NAE1: variants seen among roughly 807,000 people sequenced by gnomAD.
NAE1 encodes the protein NEDD8-activating enzyme E1 regulatory subunit.
Under a neutral mutation model 88.0 loss-of-function variants are expected in NAE1, and 59 were observed. The ratio of observed to expected loss-of-function variants is 0.67; its 90% CI spans 0.54 to 0.83. The LOEUF (loss-of-function observed/expected upper bound fraction) is 0.83. Ranked by LOEUF, NAE1 falls within the 40% of genes least tolerant of loss-of-function variation. The pLI, the probability that NAE1 is intolerant of heterozygous loss-of-function variation, is 0.00. For missense variants in NAE1, 554 were observed against 632.8 expected (o/e 0.88, Z 1.34); for synonymous variants, 186 against 208.9 (o/e 0.89, Z 0.95).
At chr16:66,810,837 T>C (rs973989397) in intron 13 of NAE1, 65 bp from the exon 14 acceptor site, 181 of 1,440,918 alleles carry the variant, frequency 1.3e-4, no homozygotes, top group Non-Finnish European at 1.6e-4. Context: ...ATTGTTACCA[T>C]GAACAAAAAT....
At chr16:66,811,047 G>C (rs1207037914) in intron 13 of NAE1, among the ~76,000 whole-genome samples, 1 of 152,098 alleles carries the variant, frequency 6.6e-6, no homozygotes, top group African/African-American at 2.4e-5. Context: ...CTATGATTTC[G>C]GCTTCTGTGA....
chr16:66,814,611 AC>A (rs1408877916), intron 11 of NAE1, among the ~76,000 whole-genome samples: 13 of 51,684 alleles, frequency 2.5e-4, no homozygotes, highest in Middle Eastern at 9.4e-3. Context: ...AAAAAAAAAT[AC>A]ACACACACAC....
intron 19 of NAE1, chr16:66,805,510 A>G (rs1309713768): frequency 2.8e-6 from 1 of 352,460 alleles, no homozygotes; most frequent in Non-Finnish European, 5.0e-6. Context: ...TTACTGGCAC[A>G]TGCCTGTAGT....
rs1959491377 is a variant in NAE1, at chr16:66,804,696, C to A, written c.1495+1081G>T. ...TCAAATTCATATGTTGAAATCCTAA[C>A]CCCCAGTGTAATTGTATGAGGATAG... On this transcript the variant is annotated intron_variant, in intron 19 of 19. Transcript: ENST00000290810. Among the ~76,000 whole-genome samples, 3 of 152,048 alleles carry A rather than the reference C, an allele frequency of 2.0e-5. No individual in the cohort carries two copies. In the South Asian group the frequency reaches 6.2e-4, roughly 32 times the overall value.
intron 6 of NAE1, among the ~76,000 whole-genome samples, chr16:66,822,772 C>T (rs1410393108): frequency 2.0e-5 from 3 of 149,186 alleles, no homozygotes; most frequent in South Asian, 4.2e-4. Flanking sequence ...CTGATTCAAG[C>T]GATTCTCTTG....
chr16:66,826,383 A>G, intron 3 of NAE1, 140 bp downstream of exon 3: 1 of 743,568 alleles, frequency 1.3e-6, no homozygotes, highest in East Asian at 2.7e-5. Context: ...CTTTACCTAT[A>G]TTATCTCACT....
intron 8 of NAE1, 105 bp downstream of exon 8, chr16:66,818,423 T>A: frequency 1.3e-6 from 1 of 763,928 alleles, no homozygotes. Context: ...ATGACAGGAA[T>A]ATGGAAGTTT....
intron 1 of NAE1, 79 bp downstream of exon 1, chr16:66,830,768 C>T: frequency 7.3e-7 from 1 of 1,376,004 alleles, no homozygotes; most frequent in Non-Finnish European, 9.8e-7. Context: ...GGCCCGACCG[C>T]GCCGCCCGCG....
At chr16:66,805,717 T>C (rs1439870749) in intron 19 of NAE1, 60 bp downstream of exon 19, 11 of 1,297,234 alleles carry the variant, frequency 8.5e-6, no homozygotes, top group Non-Finnish European at 1.1e-5. Context: ...CAAAACTTTG[T>C]ATTAAAATAG....
In NAE1 at chr16:66,817,410, TA is replaced by T. The variant is rs35288513; in HGVS notation, c.684+14del. 2 of 1,584,652 alleles carry T rather than the reference TA, an allele frequency of 1.3e-6. No homozygotes were observed. Among genetic ancestry groups the T allele is most frequent in the East Asian group, 2.2e-5 (1 of 44,566 alleles). ...ATACAGTTGCATATGAAATTTTTTT[TA>T]AAAAAGGACATACTTCACTATACCA... On this transcript the variant is annotated intron_variant, in intron 9 of 19. Coordinates refer to ENST00000290810, the MANE Select transcript of NAE1 (RefSeq NM_003905.4).
rs1423366383 is a variant in NAE1 at position 66,812,432 on chromosome 16, T to A, written c.1034+1132A>T. Among the ~76,000 whole-genome samples, 6 of 151,754 alleles carry A rather than the reference T, an allele frequency of 4.0e-5. No homozygotes were observed. The South Asian group carries it at 6.2e-4, about 16-fold the overall frequency. ...TTTATCATGAAGTATGAAAAAAAACTCTGCCTCCTAGGCGTATGTGGTAAT... is the reference window on the plus strand; with the variant it reads ...TTTATCATGAAGTATGAAAAAAAACACTGCCTCCTAGGCGTATGTGGTAAT... On this transcript the variant is annotated intron_variant, in intron 13 of 19. Transcript: ENST00000290810.
At chr16:66,826,857 A>G in intron 1 of NAE1, 77 bp from the exon 2 acceptor site, 2 of 1,367,624 alleles carry the variant, frequency 1.5e-6, no homozygotes, top group Middle Eastern at 2.4e-4. Flanking sequence ...GGTGATCTTT[A>G]AACTTTCCTT....
At chr16:66,818,688 AG>A (rs1464499312) in intron 7 of NAE1, 51 bp from the exon 8 acceptor site, 19 of 1,531,138 alleles carry the variant, frequency 1.2e-5, no homozygotes, top group Admixed American at 6.3e-5. Flanking sequence ...AAAAAAAAAA[AG>A]AGAGAGATGG....
At chr16:66,808,746 A>G (rs893895185) in intron 16 of NAE1, 133 bp from the exon 17 acceptor site, 1 of 731,200 alleles carries the variant, frequency 1.4e-6, no homozygotes, top group African/African-American at 1.8e-5. Context: ...AAGTAGTAAC[A>G]TACTGACTTT....
In NAE1 at chr16:66,804,960, A is replaced by G. The variant is rs1332117984; in HGVS notation, c.1495+817T>C. Among the ~76,000 whole-genome samples the G allele has an allele frequency of 2.6e-5, 4 of 152,308 alleles. No individual in the cohort carries two copies. The East Asian group carries it at 7.7e-4, about 29-fold the overall frequency. ...ACAAATTTTTATTGTTTATAAGTCT[A>G]TGATATTCTGTTACAGCAGCCCAAA... On this transcript the variant is annotated intron_variant, in intron 19 of 19. Transcript: ENST00000290810.
In NAE1 at chr16:66,830,906, G is replaced by T; in HGVS notation, c.-7C>A. 1 of 1,531,728 alleles carries T rather than the reference G, an allele frequency of 6.5e-7. No individual in the cohort carries two copies. The highest frequency in any genetic ancestry group is 8.7e-7 in the Non-Finnish European group (1 of 1,148,252). The allele number at this position is 1,531,728 out of a possible 1,614,324, so 94.9% of individuals were successfully genotyped here. On this transcript the variant is annotated 5_prime_UTR_variant, in exon 1 of 20. Coordinates refer to ENST00000290810, the MANE Select transcript of NAE1 (RefSeq NM_003905.4). ...GCTTTCCCAGCTGCGCCATGGCCGC[G>T]CCTGCCGCGCGGAAAACAGCCGAGC... is the stretch of plus-strand genomic sequence containing the variant.
chr16:66,816,506 T>C lies in NAE1; in HGVS notation c.840+75A>G, dbSNP rs537114946. ...TAGAAAATATTAACTTAAATCATTA[T>C]AGTCAACCATTTAATAGCCAAGGAC... On this transcript the variant is annotated intron_variant, in intron 11 of 19. Coordinates refer to ENST00000290810, the MANE Select transcript of NAE1 (RefSeq NM_003905.4). 6 of 1,022,204 alleles carry C rather than the reference T, an allele frequency of 5.9e-6. No homozygotes were observed. The South Asian group carries it at 6.8e-5, about 12-fold the overall frequency. 63.3% of individuals were successfully genotyped at this position (1,022,204 alleles called of 1,614,324 possible). A position where few individuals can be genotyped will look rare whatever the true frequency, so the allele number is the denominator to read the frequency against.
At chr16:66,828,263 G>A (rs1359972991) in intron 1 of NAE1, 1 of 451,404 alleles carries the variant, frequency 2.2e-6, no homozygotes, top group South Asian at 2.6e-5. Flanking sequence ...GGCGGAGGCA[G>A]GCAGATCACC....
chr16:66,820,065 G>C (rs1450556765), intron 7 of NAE1, among the ~76,000 whole-genome samples: 1 of 152,114 alleles, frequency 6.6e-6, no homozygotes, highest in Non-Finnish European at 1.5e-5. Flanking sequence ...CCTCCCATCA[G>C]TTGACACCAC....
Sources: gnomAD v4.1 joint callset for allele counts (sites outside exome capture counted in the v4.1 genomes callset) on GRCh38, gnomAD v4.1.1 for gene constraint, MANE v1.5 for transcripts, NCBI Gene and HGNC (gene_info 2026-07-23, HGNC 2026-07-21) for gene names.